Variants in FBXO32 observed in about 807,000 individuals in gnomAD.
The protein encoded by FBXO32 is F-box protein 32.
FBXO32 carries 15 observed loss-of-function variants against 48.3 expected under a neutral mutation model. That is an observed-to-expected ratio of 0.31 (90% confidence interval 0.21 to 0.48). FBXO32 has a LOEUF of 0.48. FBXO32 is among the 20% of genes least tolerant of loss of function. FBXO32 has a pLI of 0.99. For synonymous variants in FBXO32, 154 were observed against 165.9 expected (o/e 0.93, Z 0.55); for missense variants, 309 against 432.7 (o/e 0.71, Z 2.54).
In FBXO32 at chr8:123,540,875, G is replaced by C; in HGVS notation, c.116+24C>G. 6.3e-7 allele frequency: 1 copy of C among 1,594,816 alleles called. No homozygotes were observed. The highest frequency in any genetic ancestry group is 8.6e-7 in the Non-Finnish European group (1 of 1,164,584). ...GCCCGGGTCAGTTTCGCGGGGGCTG[G>C]AAGTTGGTAGCGGGTCCCCTCACCT... is the stretch of plus-strand genomic sequence containing the variant. On this transcript the variant is annotated intron_variant, in intron 1 of 8. Transcript: ENST00000517956. This position sits in a 1 kb window ranked among gnomAD's most constrained non-coding sequence, Gnocchi z 6.4.
At chr8:123,522,916 T>C (rs1232667302) in intron 4 of FBXO32, among the ~76,000 whole-genome samples, 1 of 152,196 alleles carries the variant, frequency 6.6e-6, no homozygotes, top group Non-Finnish European at 1.5e-5. Flanking sequence ...CAGAAGTACC[T>C]GACAAGCAGG....
At chr8:123,537,807 G>A (rs1332433995) in intron 1 of FBXO32, among the ~76,000 whole-genome samples, 1 of 151,982 alleles carries the variant, frequency 6.6e-6, no homozygotes, top group Non-Finnish European at 1.5e-5. Context: ...TCCTGCTTCC[G>A]GGTCCAGCCT....
intron 4 of FBXO32, among the ~76,000 whole-genome samples, chr8:123,531,277 C>T (rs1425522880): frequency 3.9e-5 from 6 of 152,178 alleles, no homozygotes; most frequent in South Asian, 4.1e-4. Flanking sequence ...CCACCGCACC[C>T]GGCCAAAACA....
chr8:123,534,775 G>T lies in FBXO32; in HGVS notation c.156C>A (p.Phe52Leu). Residue 52 changes from phenylalanine to leucine, a missense_variant, in exon 2 of 9, where the codon TTC becomes TTA. Coordinates refer to ENST00000517956, the MANE Select transcript of FBXO32 (RefSeq NM_058229.4). ...NKEVYNKENLFNSLNYDVAAK... is the reference protein window; with the variant it reads ...NKEVYNKENLLNSLNYDVAAK... ...CTGCAACATCATAGTTCAGGCTGTTGAAAAGATTCTCCTTATTGTATACCT... is the reference window on the plus strand; with the variant it reads ...CTGCAACATCATAGTTCAGGCTGTTTAAAAGATTCTCCTTATTGTATACCT... 1 of 1,613,700 alleles carries T rather than the reference G, an allele frequency of 6.2e-7. No homozygotes were observed. The highest frequency in any genetic ancestry group is 8.5e-7 in the Non-Finnish European group (1 of 1,179,804).
In FBXO32 at chr8:123,514,341, T is replaced by G. The variant is rs371988927; in HGVS notation, c.373-8A>C. ...TGCTATCAGCTCCAACAGCTGAGGA[T>G]AAAAATAGAAGTTGCCAGGCTTAGA... On this transcript the variant is annotated splice_region_variant and splice_polypyrimidine_tract_variant and intron_variant, in intron 4 of 8. Coordinates refer to ENST00000517956, the MANE Select transcript of FBXO32 (RefSeq NM_058229.4). The G allele has an allele frequency of 2.5e-6, 4 of 1,608,054 alleles. No homozygotes were observed. The highest frequency in any genetic ancestry group is 3.4e-6 in the Non-Finnish European group (4 of 1,177,174).
chr8:123,506,667 A>T lies in FBXO32; in HGVS notation c.652-93T>A. On this transcript the variant is annotated intron_variant, in intron 6 of 8. Coordinates refer to ENST00000517956, the MANE Select transcript of FBXO32 (RefSeq NM_058229.4). This position sits in a 1 kb window ranked among gnomAD's most constrained non-coding sequence, Gnocchi z 4.0. ...AGGCATGCAGCTGTGCCCGTCCTCC[A>T]CCCTCAAGGCAGTTTATTGATAAGA... The T allele has an allele frequency of 9.2e-7, 1 of 1,086,060 alleles. No individual in the cohort carries two copies. Among genetic ancestry groups the T allele is most frequent in the South Asian group, 1.5e-5 (1 of 64,568 alleles). 67.3% of individuals were successfully genotyped at this position (1,086,060 alleles called of 1,614,324 possible).
intron 6 of FBXO32, among the ~76,000 whole-genome samples, chr8:123,512,269 G>A (rs113212767): frequency 1.8e-4 from 27 of 152,296 alleles, no homozygotes; most frequent in African/African-American, 5.8e-4. Flanking sequence ...CAGGTACAGA[G>A]ACGTAATTAC....
intron 4 of FBXO32, among the ~76,000 whole-genome samples, chr8:123,520,298 C>T (rs543097171): frequency 5.9e-5 from 9 of 152,124 alleles, no homozygotes; most frequent in Non-Finnish European, 1.3e-4. Context: ...TAATTTGTGG[C>T]TATGTTTAAA....
intron 4 of FBXO32, among the ~76,000 whole-genome samples, chr8:123,524,100 C>T (rs1817020777): frequency 6.6e-6 from 1 of 152,202 alleles, no homozygotes; most frequent in Admixed American, 6.5e-5. Flanking sequence ...AGTCTATGCT[C>T]TAGTCTTAGT....
chr8:123,510,168 A>G (rs75549174), intron 6 of FBXO32, among the ~76,000 whole-genome samples: 8,430 of 152,302 alleles, frequency 0.055, 299 homozygotes, highest in African/African-American at 0.099. Flanking sequence ...TGATACATTT[A>G]CAATACTTAC....
chr8:123,515,410 T>G (rs941851398), intron 4 of FBXO32, among the ~76,000 whole-genome samples: 2 of 151,732 alleles, frequency 1.3e-5, no homozygotes, highest in Admixed American at 1.3e-4. Flanking sequence ...TAACAGTTTT[T>G]TTTTTTTTTT....
intron 4 of FBXO32, 95 bp downstream of exon 4, chr8:123,531,803 A>AAATTCTT: frequency 6.7e-7 from 1 of 1,501,890 alleles, no homozygotes; most frequent in African/African-American, 1.4e-5. Context: ...GGGTCCTAAA[A>AAATTCTT]AGTAATTTTT....
chr8:123,527,931 T>C (rs1406938779), intron 4 of FBXO32, among the ~76,000 whole-genome samples: 2 of 152,240 alleles, frequency 1.3e-5, no homozygotes, highest in Non-Finnish European at 2.9e-5. Flanking sequence ...AAATTCCTGA[T>C]GGACCACAGT....
chr8:123,506,704 G>A lies in FBXO32; in HGVS notation c.652-130C>T. ...GTTTATTGATAAGAGGTCGAAAGCA[G>A]TAGTAAATCTCCCCATCCTAAATGC... On this transcript the variant is annotated intron_variant, in intron 6 of 8. Transcript: ENST00000517956. The surrounding 1 kb of genome is among the most constrained non-coding windows in gnomAD (Gnocchi z 4.0). The A allele has an allele frequency of 7.0e-6, 5 of 716,050 alleles. No individual in the cohort carries two copies. The highest frequency in any genetic ancestry group is 1.2e-5 in the Non-Finnish European group (5 of 428,796). The allele number at this position is 716,050 out of a possible 1,614,324, so 44.4% of individuals were successfully genotyped here. A position where few individuals can be genotyped will look rare whatever the true frequency, so the allele number is the denominator to read the frequency against.
intron 7 of FBXO32, 54 bp from the exon 8 acceptor site, chr8:123,504,801 C>T (rs980958801): frequency 1.4e-5 from 22 of 1,573,118 alleles, no homozygotes; most frequent in Non-Finnish European, 1.6e-5. Context: ...AAGAAGATGG[C>T]TTGTGGTTTT....
In FBXO32 at chr8:123,514,307, C is replaced by T. The variant is rs140448338; in HGVS notation, c.399G>A (p.Gln133=). The stretch of plus-strand genomic sequence containing the variant: ...GGGCGATGCCACTCAGGGATGTGAG[C>T]TGTGACTTTGCTATCAGCTCCAACA... The part of the protein sequence containing the change: ...VRLLELIAKS[Q]LTSLSGIAQK... Residue 133 remains glutamine, a synonymous_variant, in exon 5 of 9, where the codon CAG becomes CAA. Transcript: ENST00000517956. 6.2e-7 allele frequency: 1 copy of T among 1,612,738 alleles called. No homozygotes were observed. The highest frequency in any genetic ancestry group is 1.3e-5 in the African/African-American group (1 of 74,984).
rs1817406075 is a variant in FBXO32, at chr8:123,541,155, C to T, written c.-141G>A. On this transcript the variant is annotated 5_prime_UTR_variant, in exon 1 of 9. Coordinates refer to ENST00000517956, the MANE Select transcript of FBXO32 (RefSeq NM_058229.4). The stretch of plus-strand genomic sequence containing the variant: ...GGCGGGAACGGCGCGGGGCACCCTG[C>T]GGGGTGGCGGGCGCGGAGAGGATCT... The T allele has an allele frequency of 1.7e-5, 7 of 410,462 alleles. No individual in the cohort carries two copies. In the South Asian group the frequency reaches 5.7e-4, roughly 33 times the overall value. The allele number at this position is 410,462 out of a possible 1,614,324, so 25.4% of individuals were successfully genotyped here. A position where few individuals can be genotyped will look rare whatever the true frequency, so the allele number is the denominator to read the frequency against.
Position 123,506,660 on chromosome 8 carries a change from G to T in FBXO32, c.652-86C>A. Reference sequence around the variant, plus strand: ...ACCCTCCAGGCATGCAGCTGTGCCCGTCCTCCACCCTCAAGGCAGTTTATT... The same window carrying T: ...ACCCTCCAGGCATGCAGCTGTGCCCTTCCTCCACCCTCAAGGCAGTTTATT... On this transcript the variant is annotated intron_variant, in intron 6 of 8. Coordinates refer to ENST00000517956, the MANE Select transcript of FBXO32 (RefSeq NM_058229.4). The surrounding 1 kb of genome is among the most constrained non-coding windows in gnomAD (Gnocchi z 4.0). 1 of 1,175,934 alleles carries T rather than the reference G, an allele frequency of 8.5e-7. No homozygotes were observed. 72.8% of individuals were successfully genotyped at this position (1,175,934 alleles called of 1,614,324 possible).
At chr8:123,528,522 A>G (rs1021990240) in intron 4 of FBXO32, among the ~76,000 whole-genome samples, 1 of 152,222 alleles carries the variant, frequency 6.6e-6, no homozygotes, top group South Asian at 2.1e-4. Flanking sequence ...TTTCAAACAC[A>G]TAGCTAGAAC....
Sources: gnomAD v4.1 joint callset for allele counts (sites outside exome capture counted in the v4.1 genomes callset) on GRCh38, gnomAD v4.1.1 for gene constraint, Gnocchi (gnomAD v3.1) non-coding constraint, MANE v1.5 for transcripts, NCBI Gene and HGNC (gene_info 2026-07-23, HGNC 2026-07-21) for gene names.